The following COL15A1 variants were observed in gnomAD, a reference collection of about 807,000 sequenced individuals.
COL15A1 encodes the protein collagen alpha-1(XV) chain.
COL15A1 carries 111 observed loss-of-function variants against 165.9 expected under a neutral mutation model. The observed-to-expected ratio is 0.67, with a 90% CI of 0.57 to 0.78. The LOEUF (loss-of-function observed/expected upper bound fraction) is 0.78, where lower values mean the gene tolerates loss of function less well. Ranked by LOEUF, COL15A1 falls within the 30% of genes least tolerant of loss-of-function variation. The probability of loss-of-function intolerance (pLI) is 0.00; values close to 1 mark genes in which losing one functional copy is unlikely to be tolerated. For missense variants in COL15A1, 1,745 were observed against 1,789.7 expected (o/e 0.98, Z 0.45); for synonymous variants, 659 against 674.8 (o/e 0.98, Z 0.36).
At chr9:98,970,702 G>GT (rs1295384228) in intron 2 of COL15A1, among the ~76,000 whole-genome samples, 6 of 152,114 alleles carry the variant, frequency 3.9e-5, no homozygotes, top group African/African-American at 1.2e-4. Flanking sequence ...ATGAGTGTAG[G>GT]TGAGTGTGTG....
At chr9:99,016,495 T>A (rs994085087) in intron 11 of COL15A1, among the ~76,000 whole-genome samples, 3 of 152,198 alleles carry the variant, frequency 2.0e-5, no homozygotes, top group Non-Finnish European at 4.4e-5. Flanking sequence ...CCTGCCAACA[T>A]GAGTTTTTAT....
chr9:99,021,931 G>A (rs1161517836), intron 12 of COL15A1, among the ~76,000 whole-genome samples, 160 bp from the exon 13 acceptor site: 1 of 152,236 alleles, frequency 6.6e-6, no homozygotes, highest in Admixed American at 6.5e-5. Context: ...GAGCCCTGGG[G>A]TGGGACAAGG....
intron 35 of COL15A1, among the ~76,000 whole-genome samples, chr9:99,057,498 T>C (rs1825739586): frequency 6.6e-6 from 1 of 152,218 alleles, no homozygotes; most frequent in Non-Finnish European, 1.5e-5. Context: ...AATGAGCATG[T>C]ATCAGATGCC....
At chr9:99,059,732 C>T (rs997547862) in intron 35 of COL15A1, among the ~76,000 whole-genome samples, 157 bp from the exon 36 acceptor site, 3 of 152,214 alleles carry the variant, frequency 2.0e-5, no homozygotes, top group East Asian at 1.9e-4. Flanking sequence ...CTAAGTCACA[C>T]GCTGGGGGCA....
At chr9:98,967,776 A>G (rs914309298) in intron 2 of COL15A1, among the ~76,000 whole-genome samples, 3 of 152,148 alleles carry the variant, frequency 2.0e-5, no homozygotes, top group Non-Finnish European at 4.4e-5. Flanking sequence ...TCTTGTCTCC[A>G]GGTCCATGAC....
Position 99,049,861 on chromosome 9 carries a change from T to G in COL15A1, c.2870T>G (p.Phe957Cys). 6.2e-7 allele frequency: 1 copy of G among 1,614,200 alleles called. No homozygotes were observed. The highest frequency in any genetic ancestry group is 8.5e-7 in the Non-Finnish European group (1 of 1,180,026). The change falls in exon 30 of 42, where the codon TTC becomes TGC. Residue 957 changes from phenylalanine (F) to cysteine (C), a missense_variant. Transcript: ENST00000375001. ...GAVINIKGAI[F>C]PIPVRPHCKM... ...TGTTCTCATTACCCACAGGCCATTTTCCCAATACCCGTCCGACCACACTGC... is the reference window on the plus strand; with the variant it reads ...TGTTCTCATTACCCACAGGCCATTTGCCCAATACCCGTCCGACCACACTGC...
intron 24 of COL15A1, among the ~76,000 whole-genome samples, chr9:99,043,241 G>A (rs1488998096): frequency 2.0e-5 from 3 of 152,098 alleles, no homozygotes; most frequent in Admixed American, 1.3e-4. Flanking sequence ...TGGAGGGCTC[G>A]GTATGCTGGG....
At chr9:99,019,629 T>A (rs1838994512) in intron 11 of COL15A1, among the ~76,000 whole-genome samples, 1 of 151,394 alleles carries the variant, frequency 6.6e-6, no homozygotes, top group African/African-American at 2.4e-5. Context: ...AGAGTCACCA[T>A]GACAGTATAG....
rs559638947 is a variant in COL15A1, at chr9:98,981,445, G to A, written c.101-4120G>A. Among the ~76,000 whole-genome samples, 94 of 152,136 alleles carry A rather than the reference G, an allele frequency of 6.2e-4. 1 individual carries two copies. The South Asian group carries it at 9.1e-3, about 15-fold the overall frequency. On this transcript the variant is annotated intron_variant, in intron 2 of 41. Transcript: ENST00000375001. Reference sequence around the variant, plus strand: ...GCACTCCAGCCTGGTCAACAAGAGCGAGACTCTGTCTCAAAAAAAAAGAAA... The same window carrying A: ...GCACTCCAGCCTGGTCAACAAGAGCAAGACTCTGTCTCAAAAAAAAAGAAA...
intron 14 of COL15A1, 150 bp from the exon 15 acceptor site, chr9:99,024,724 A>G: frequency 1.3e-6 from 1 of 779,644 alleles, no homozygotes; most frequent in Non-Finnish European, 2.0e-6. Flanking sequence ...GCATGGTCTC[A>G]CTGAGCCTTA....
At chr9:99,029,573 A>G (rs1404468634) in intron 16 of COL15A1, among the ~76,000 whole-genome samples, 1 of 152,210 alleles carries the variant, frequency 6.6e-6, no homozygotes, top group African/African-American at 2.4e-5. Context: ...CCTATTTTAT[A>G]TCTTCTTTCA....
At chr9:99,029,730 C>G (rs1404992475) in intron 16 of COL15A1, among the ~76,000 whole-genome samples, 1 of 152,010 alleles carries the variant, frequency 6.6e-6, no homozygotes, top group Non-Finnish European at 1.5e-5. Context: ...TTGAGACCAG[C>G]CTGGTCAACA....
At chr9:99,059,256 A>G (rs1825772935) in intron 35 of COL15A1, among the ~76,000 whole-genome samples, 1 of 152,190 alleles carries the variant, frequency 6.6e-6, no homozygotes. Context: ...AATGCTGTAC[A>G]TGTACAATTT....
At chr9:98,963,673 A>G (rs573046504) in intron 2 of COL15A1, among the ~76,000 whole-genome samples, 1 of 152,328 alleles carries the variant, frequency 6.6e-6, no homozygotes, top group East Asian at 1.9e-4. Flanking sequence ...ACTTGGGCAC[A>G]TTGCTCAGAA....
Position 99,035,416 on chromosome 9 carries a change from A to AT in COL15A1, c.2289dup (p.Gly764TrpfsTer40). 6.2e-7 allele frequency: 1 copy of AT among 1,614,118 alleles called. No homozygotes were observed. Among genetic ancestry groups the AT allele is most frequent in the East Asian group, 2.2e-5 (1 of 44,866 alleles). On this transcript the variant is annotated frameshift_variant and splice_region_variant, in exon 19 of 42. Transcript: ENST00000375001. LOFTEE classifies it high-confidence loss of function. ...CAAACTCTCCAGACCAACGGCTGCA[A>AT]TTGTAGGTCGCCTCTGAAACCTTCA...
intron 39 of COL15A1, among the ~76,000 whole-genome samples, chr9:99,066,647 C>T (rs1194858458): frequency 1.5e-5 from 2 of 129,122 alleles, no homozygotes; most frequent in Non-Finnish European, 3.2e-5. Context: ...ACATTTCTAC[C>T]ACTTAGAGCT....
At chr9:99,062,365 C>G in intron 38 of COL15A1, 61 bp downstream of exon 38, 1 of 1,234,234 alleles carries the variant, frequency 8.1e-7, no homozygotes, top group East Asian at 2.3e-5. Context: ...CTGAGTCCTC[C>G]TTGGTATCTA....
intron 23 of COL15A1, chr9:99,040,829 A>G (rs1027300025): frequency 7.6e-5 from 38 of 497,634 alleles, no homozygotes; most frequent in African/African-American, 7.3e-4. Flanking sequence ...GATTTTCTGA[A>G]CTTTTTACAT....
intron 15 of COL15A1, 148 bp downstream of exon 15, chr9:99,025,147 TCTGAATCATTGCTGAGATTC>T (rs1432543979): frequency 1.7e-6 from 1 of 604,610 alleles, no homozygotes; most frequent in Non-Finnish European, 2.8e-6. Context: ...ATCCTCCTCA[TCTGAATCATTGCTGAGATTC>T]GAAAGAAGCA....
Sources: allele counts gnomAD v4.1 joint callset (sites outside exome capture counted in the v4.1 genomes callset), GRCh38; gene constraint gnomAD v4.1.1; transcripts MANE v1.5; gene names NCBI Gene and HGNC (gene_info 2026-07-23, HGNC 2026-07-21).